Variants in DSCAM observed in about 807,000 individuals in gnomAD.
The protein encoded by DSCAM is DS cell adhesion molecule.
A neutral mutation model predicts 217.7 loss-of-function variants in DSCAM; 47 were observed. The ratio of observed to expected loss-of-function variants is 0.22; its 90% CI spans 0.17 to 0.28. DSCAM has a LOEUF of 0.28. Ranked by LOEUF, DSCAM falls within the 10% of genes least tolerant of loss-of-function variation. The pLI is 1.00. For synonymous variants in DSCAM, 1,056 were observed against 1,015.3 expected (o/e 1.04, Z -0.76); for missense variants, 2,080 against 2,618.3 (o/e 0.79, Z 4.49).
intron 3 of DSCAM, among the ~76,000 whole-genome samples, chr21:40,664,591 GA>G (rs1192029523): frequency 6.6e-6 from 1 of 152,222 alleles, no homozygotes; most frequent in Non-Finnish European, 1.5e-5. Context: ...CCTGTGAGAG[GA>G]AGTGTTCCAT....
intron 9 of DSCAM, among the ~76,000 whole-genome samples, chr21:40,301,731 C>T (rs771421368): frequency 2.0e-5 from 3 of 149,258 alleles, no homozygotes; most frequent in African/African-American, 5.1e-5. Flanking sequence ...ATCTGCAGTA[C>T]AGAAAGCACT....
chr21:40,641,818 G>A (rs1336465670), intron 3 of DSCAM, among the ~76,000 whole-genome samples: 1 of 152,156 alleles, frequency 6.6e-6, no homozygotes, highest in African/African-American at 2.4e-5. Flanking sequence ...GGGAGGCCGA[G>A]GCGGGTGGAT....
At chr21:40,046,479 G>A (rs1568910910) in intron 30 of DSCAM, among the ~76,000 whole-genome samples, 1 of 151,518 alleles carries the variant, frequency 6.6e-6, no homozygotes, top group Non-Finnish European at 1.5e-5. Flanking sequence ...TACACAACCA[G>A]GTATGAATGA....
In DSCAM at chr21:40,157,108, A is replaced by G. The variant is rs190640287; in HGVS notation, c.3018+10110T>C. ...TTTTAAATGATTGAAAAAAATCAAA[A>G]GAGGAAGAATATTTTGTCATGTGAA... On this transcript the variant is annotated intron_variant, in intron 16 of 32. Coordinates refer to ENST00000400454, the MANE Select transcript of DSCAM (RefSeq NM_001389.5). Among the ~76,000 whole-genome samples the G allele has an allele frequency of 6.6e-5, 10 of 152,318 alleles. 1 individual carries two copies. The highest frequency in any genetic ancestry group is 6.8e-3 in the Middle Eastern group (2 of 294).
At chr21:40,834,101 G>A (rs1217674842) in intron 1 of DSCAM, among the ~76,000 whole-genome samples, 1 of 152,100 alleles carries the variant, frequency 6.6e-6, no homozygotes, top group Non-Finnish European at 1.5e-5. Context: ...CATAAAAATA[G>A]GGGAGGAGTC....
At chr21:40,529,062 C>T (rs559559306) in intron 3 of DSCAM, among the ~76,000 whole-genome samples, 1 of 151,896 alleles carries the variant, frequency 6.6e-6, no homozygotes, top group African/African-American at 2.4e-5. Flanking sequence ...TGCCACCACC[C>T]CCGGCTAATT....
chr21:40,582,257 G>A (rs2076911196), intron 3 of DSCAM, among the ~76,000 whole-genome samples: 1 of 152,132 alleles, frequency 6.6e-6, no homozygotes, highest in Non-Finnish European at 1.5e-5. Context: ...TGTTACAATA[G>A]TGTTTAAATA....
At chr21:40,701,760 G>A (rs73358389) in intron 2 of DSCAM, among the ~76,000 whole-genome samples, 20,140 of 151,788 alleles carry the variant, frequency 0.13, 2,381 homozygotes, top group African/African-American at 0.32. Context: ...TATTGTTAGT[G>A]ATTTAATTTC....
At chr21:40,522,661 T>A (rs931506334) in intron 3 of DSCAM, among the ~76,000 whole-genome samples, 2 of 152,162 alleles carry the variant, frequency 1.3e-5, no homozygotes, top group Admixed American at 1.3e-4. Flanking sequence ...GATCAGCTGA[T>A]AGGTGTGATC....
At chr21:40,414,752 GA>G (rs1284235903) in intron 3 of DSCAM, among the ~76,000 whole-genome samples, 1 of 152,200 alleles carries the variant, frequency 6.6e-6, no homozygotes, top group African/African-American at 2.4e-5. Context: ...TATCTCGAGT[GA>G]GTCATTACCT....
intron 3 of DSCAM, among the ~76,000 whole-genome samples, chr21:40,677,712 G>A (rs2090356766): frequency 6.6e-6 from 1 of 152,176 alleles, no homozygotes; most frequent in Non-Finnish European, 1.5e-5. Context: ...ATTAGGTCGT[G>A]AGGGTGGAGC....
intron 3 of DSCAM, among the ~76,000 whole-genome samples, chr21:40,465,551 C>T (rs1206167262): frequency 1.3e-5 from 2 of 152,178 alleles, no homozygotes; most frequent in African/African-American, 2.4e-5. Flanking sequence ...TCCTTTAGAG[C>T]ACGCATGTCC....
intron 3 of DSCAM, among the ~76,000 whole-genome samples, chr21:40,444,962 T>A (rs1235553826): frequency 6.6e-6 from 1 of 152,208 alleles, no homozygotes; most frequent in East Asian, 1.9e-4. Flanking sequence ...TGTTTTCTGT[T>A]TAGTCCATTT....
chr21:40,739,954 A>ATTTTT (rs56815777), intron 1 of DSCAM, among the ~76,000 whole-genome samples: 18 of 58,976 alleles, frequency 3.1e-4, no homozygotes, highest in African/African-American at 9.4e-4. Flanking sequence ...TGCAGGTGTA[A>ATTTTT]TTTTTTTTTT....
chr21:40,620,390 A>AAAAAGAAAG (rs766018790), intron 3 of DSCAM, among the ~76,000 whole-genome samples: 1 of 79,314 alleles, frequency 1.3e-5, no homozygotes, highest in African/African-American at 3.7e-5. Flanking sequence ...AAGAAAGAGA[A>AAAAAGAAAG]AGAAAGAAAG....
At chr21:40,413,657 A>G (rs1165750615) in intron 3 of DSCAM, among the ~76,000 whole-genome samples, 2 of 152,224 alleles carry the variant, frequency 1.3e-5, no homozygotes, top group Non-Finnish European at 2.9e-5. Context: ...GACTGAAACA[A>G]CTTTGAATAA....
At chr21:40,353,232 G>A (rs2074652712) in intron 5 of DSCAM, among the ~76,000 whole-genome samples, 2 of 152,146 alleles carry the variant, frequency 1.3e-5, no homozygotes, top group Admixed American at 1.3e-4. Flanking sequence ...AGAGGTTTGG[G>A]GATCAGAAAG....
intron 20 of DSCAM, among the ~76,000 whole-genome samples, chr21:40,111,144 A>G (rs1275910620): frequency 6.6e-6 from 1 of 152,218 alleles, no homozygotes; most frequent in Non-Finnish European, 1.5e-5. Context: ...TGAAGGAAAA[A>G]ATGTTAAGGG....
intron 1 of DSCAM, among the ~76,000 whole-genome samples, chr21:40,749,355 G>T (rs1032675603): frequency 2.6e-5 from 4 of 151,948 alleles, no homozygotes; most frequent in African/African-American, 9.7e-5. Flanking sequence ...TAATATATAA[G>T]GAACTCAAAC....
Sources: allele counts gnomAD v4.1 joint callset (sites outside exome capture counted in the v4.1 genomes callset), GRCh38; gene constraint gnomAD v4.1.1; transcripts MANE v1.5; gene names NCBI Gene and HGNC (gene_info 2026-07-23, HGNC 2026-07-21).